Variants in RAP1GDS1 observed in about 807,000 individuals in gnomAD.
The protein encoded by RAP1GDS1 is RAP1, GTP-GDP dissociation stimulator 1.
In RAP1GDS1, 35 loss-of-function variants were observed where a neutral mutation model predicts 71.1. The observed-to-expected ratio is 0.49, with a 90% CI of 0.38 to 0.65. RAP1GDS1 has a LOEUF of 0.65. RAP1GDS1 is among the 30% of genes least tolerant of loss of function. RAP1GDS1 has a pLI of 0.00. For synonymous variants in RAP1GDS1, 229 were observed against 243.1 expected (o/e 0.94, Z 0.54); for missense variants, 663 against 706.1 (o/e 0.94, Z 0.69).
At chr4:98,298,680 G>A (rs1728141480) in intron 2 of RAP1GDS1, among the ~76,000 whole-genome samples, 1 of 152,162 alleles carries the variant, frequency 6.6e-6, no homozygotes, top group African/African-American at 2.4e-5. Context: ...GGTCACCCAA[G>A]AGCTCTGACG....
At chr4:98,364,874 A>G (rs187360574) in intron 4 of RAP1GDS1, among the ~76,000 whole-genome samples, 60 of 152,036 alleles carry the variant, frequency 3.9e-4, no homozygotes, top group Admixed American at 2.4e-3. Context: ...CAAAAAAGTA[A>G]AAGAATTAGC....
chr4:98,301,849 G>A (rs1728631245), intron 2 of RAP1GDS1, among the ~76,000 whole-genome samples: 1 of 152,110 alleles, frequency 6.6e-6, no homozygotes, highest in South Asian at 2.1e-4. Context: ...ACTTGGTGAT[G>A]AAAAGAAAGA....
At chr4:98,300,292 C>G (rs903967445) in intron 2 of RAP1GDS1, among the ~76,000 whole-genome samples, 1 of 152,142 alleles carries the variant, frequency 6.6e-6, no homozygotes, top group Non-Finnish European at 1.5e-5. Context: ...CTCAGATGAT[C>G]GCTAGCATCT....
In RAP1GDS1 at chr4:98,443,734, G is replaced by T. The variant is rs112415625; in HGVS notation, c.*1617G>T. Reference sequence around the variant, plus strand: ...CGTATGCTACACTTACTATAAGAATGATACTGTTTGTTGTCTTTCTCCTGG... The same window carrying T: ...CGTATGCTACACTTACTATAAGAATTATACTGTTTGTTGTCTTTCTCCTGG... On this transcript the variant is annotated 3_prime_UTR_variant, in exon 15 of 15. Transcript: ENST00000408927. 0.012 allele frequency: 2,281 copies of T among 194,088 alleles called. 49 individuals are homozygous for T. The highest frequency in any genetic ancestry group is 0.05 in the African/African-American group (2,142 of 43,208). 12.0% of individuals were successfully genotyped at this position (194,088 alleles called of 1,614,324 possible).
chr4:98,272,864 C>T (rs73832194), intron 1 of RAP1GDS1, among the ~76,000 whole-genome samples: 9 of 152,052 alleles, frequency 5.9e-5, no homozygotes, highest in Non-Finnish European at 8.8e-5. Context: ...ATTGTTGTTG[C>T]GTAGGATGAG....
At chr4:98,401,587 T>C (rs567059658) in intron 6 of RAP1GDS1, among the ~76,000 whole-genome samples, 23 of 152,302 alleles carry the variant, frequency 1.5e-4, no homozygotes, top group Middle Eastern at 3.4e-3. Flanking sequence ...GCTGATAATA[T>C]TAGGCTAACT....
chr4:98,263,959 A>G (rs1291989978), intron 1 of RAP1GDS1, among the ~76,000 whole-genome samples: 1 of 152,200 alleles, frequency 6.6e-6, no homozygotes, highest in Non-Finnish European at 1.5e-5. Flanking sequence ...ACATATGATA[A>G]TTTAAAATTG....
intron 5 of RAP1GDS1, among the ~76,000 whole-genome samples, chr4:98,384,338 T>C (rs963897577): frequency 1.3e-5 from 2 of 151,652 alleles, no homozygotes; most frequent in Middle Eastern, 3.2e-3. Context: ...ATTCTTTCTT[T>C]ATTATACTAA....
intron 4 of RAP1GDS1, among the ~76,000 whole-genome samples, chr4:98,374,832 A>ACAGCTGTG (rs1367304299): frequency 2.0e-5 from 3 of 152,066 alleles, no homozygotes; most frequent in Non-Finnish European, 2.9e-5. Context: ...CCGTTCCCGC[A>ACAGCTGTG]CAGCTGTGGG....
chr4:98,438,199 C>T (rs965317189), intron 14 of RAP1GDS1, among the ~76,000 whole-genome samples: 4 of 151,878 alleles, frequency 2.6e-5, no homozygotes, highest in South Asian at 2.1e-4. Flanking sequence ...TCTTTGCTCT[C>T]GTCAACTTTA....
chr4:98,264,600 T>C (rs1722478793), intron 1 of RAP1GDS1, among the ~76,000 whole-genome samples: 1 of 152,172 alleles, frequency 6.6e-6, no homozygotes, highest in African/African-American at 2.4e-5. Flanking sequence ...TAAAAAGATA[T>C]TCATGTTTCA....
chr4:98,364,671 G>A (rs1739213285), intron 4 of RAP1GDS1, among the ~76,000 whole-genome samples: 1 of 151,872 alleles, frequency 6.6e-6, no homozygotes, highest in Non-Finnish European at 1.5e-5. Context: ...GTAGAACCAA[G>A]TGATGGAGGA....
At position 98,360,924 on chromosome 4, in the gene RAP1GDS1, C is replaced by G. The variant is rs12644357; in HGVS notation, c.361+8323C>G. ...CCATCTCTACTTTTTAAAAAGAAAA[C>G]AAAACAAAACAAAACTAGCCAGGCA... On this transcript the variant is annotated intron_variant, in intron 4 of 14. Transcript: ENST00000408927. Among the ~76,000 whole-genome samples the G allele has an allele frequency of 4.3e-4, 65 of 151,486 alleles. No homozygotes were observed. In the East Asian group the frequency reaches 0.01, roughly 24 times the overall value.
intron 1 of RAP1GDS1, among the ~76,000 whole-genome samples, chr4:98,265,189 T>C (rs1722554193): frequency 6.6e-6 from 1 of 152,164 alleles, no homozygotes; most frequent in Non-Finnish European, 1.5e-5. Flanking sequence ...AACCAGGTTA[T>C]GGCAACGGGA....
At chr4:98,281,537 A>C (rs1389980976) in intron 1 of RAP1GDS1, among the ~76,000 whole-genome samples, 1 of 152,172 alleles carries the variant, frequency 6.6e-6, no homozygotes, top group Non-Finnish European at 1.5e-5. Flanking sequence ...CTAAATATAC[A>C]ATCATGTCAT....
chr4:98,407,468 T>TACACACACACAC (rs568505447), intron 7 of RAP1GDS1, among the ~76,000 whole-genome samples: 2 of 148,966 alleles, frequency 1.3e-5, no homozygotes, highest in African/African-American at 4.9e-5. Flanking sequence ...GGGGTGTGTA[T>TACACACACACAC]ACACACACAC....
At chr4:98,389,837 G>T (rs146533674) in intron 5 of RAP1GDS1, among the ~76,000 whole-genome samples, 340 of 152,228 alleles carry the variant, frequency 2.2e-3, no homozygotes, top group African/African-American at 7.9e-3. Flanking sequence ...CTTCTAAGTG[G>T]TATTCTTCTG....
Position 98,293,389 on chromosome 4 carries a change from T to C in RAP1GDS1, c.5-19T>C. 1 of 1,541,958 alleles carries C rather than the reference T, an allele frequency of 6.5e-7. No individual in the cohort carries two copies. Among genetic ancestry groups the C allele is most frequent in the East Asian group, 2.3e-5 (1 of 44,332 alleles). ...TGGTCATAAGGTTGAGTTTCTGATTTTTTTTTTTCTTTAAGCAGATAATCT... is the reference window on the plus strand; with the variant it reads ...TGGTCATAAGGTTGAGTTTCTGATTCTTTTTTTTCTTTAAGCAGATAATCT... On this transcript the variant is annotated intron_variant, in intron 1 of 14. Transcript: ENST00000408927.
intron 8 of RAP1GDS1, 81 bp from the exon 9 acceptor site, chr4:98,417,286 T>C (rs1251626012): frequency 1.4e-6 from 2 of 1,390,728 alleles, no homozygotes; most frequent in African/African-American, 2.9e-5. Flanking sequence ...GAGTTTCCAG[T>C]TGGATATTCA....
Sources: gnomAD v4.1 joint callset for allele counts (sites outside exome capture counted in the v4.1 genomes callset) on GRCh38, gnomAD v4.1.1 for gene constraint, MANE v1.5 for transcripts, NCBI Gene and HGNC (gene_info 2026-07-23, HGNC 2026-07-21) for gene names.